The following CDH17 variants were observed in gnomAD, a reference collection of about 807,000 sequenced individuals.
The protein encoded by CDH17 is cadherin-17.
Under a neutral mutation model 86.3 loss-of-function variants are expected in CDH17, and 67 were observed. The ratio of observed to expected loss-of-function variants is 0.78; its 90% CI spans 0.64 to 0.95. The LOEUF is 0.95. Among genes scored for constraint, CDH17 ranks in the 40% least tolerant of loss-of-function variants. The pLI, the probability that CDH17 is intolerant of heterozygous loss-of-function variation, is 0.00. For missense variants in CDH17, 993 were observed against 1,017.6 expected (o/e 0.98, Z 0.33); for synonymous variants, 367 against 366.4 (o/e 1.00, Z -0.02).
rs757892139 is a variant in CDH17, at chr8:94,176,603, T to A, written c.362A>T (p.Asp121Val). The change falls in exon 5 of 18, where the codon GAC (aspartate) becomes GTC (valine). Residue 121 changes from aspartate to valine, a missense_variant. Asp to Val is a radical substitution (Grantham distance 152, BLOSUM62 -3). Coordinates refer to ENST00000027335, the MANE Select transcript of CDH17 (RefSeq NM_004063.4). ...TGACTGGAGAAACGTGGGTCGATTG[T>A]CGTTGATGTCCTTCACTTTTATGGT... The part of the protein sequence containing the change: ...PITIKVKDIN[D>V]NRPTFLQSKY... 1 of 1,613,828 alleles carries A rather than the reference T, an allele frequency of 6.2e-7. No individual in the cohort carries two copies. Among genetic ancestry groups the A allele is most frequent in the South Asian group, 1.1e-5 (1 of 91,080 alleles).
In CDH17 at chr8:94,173,910, A is replaced by G; in HGVS notation, c.670T>C (p.Phe224Leu). 6.2e-7 allele frequency: 1 copy of G among 1,613,508 alleles called. No homozygotes were observed. Among genetic ancestry groups the G allele is most frequent in the South Asian group, 1.1e-5 (1 of 91,066 alleles). Residue 224 changes from phenylalanine (F) to leucine (L), a missense_variant, in exon 7 of 18, where the codon TTC (phenylalanine) becomes CTC (leucine). Transcript: ENST00000027335. ...ATATCCACAGATGTGGTATCACTGAAGGAATTCTCACTCTGGCCTCCCATG... is the reference window on the plus strand; with the variant it reads ...ATATCCACAGATGTGGTATCACTGAGGGAATTCTCACTCTGGCCTCCCATG... ...KDMGGQSENS[F>L]SDTTSVDIIV...
rs762019852 is a variant in CDH17 at position 94,130,919 on chromosome 8, A to G, written c.2241T>C (p.Asn747=). The G allele has an allele frequency of 1.2e-6, 2 of 1,612,106 alleles. No individual in the cohort carries two copies. The highest frequency in any genetic ancestry group is 2.2e-5 in the East Asian group (1 of 44,878). Residue 747 remains asparagine (N), a synonymous_variant, in exon 16 of 18, where the codon AAT becomes AAC. Transcript: ENST00000027335. ...EREYVVLIRI[N]DGGRPPLEGI... is the part of the protein sequence containing the mutation. ...CTTCCAAGGGTGGCCGACCCCCATC[A>G]TTGATGCGGATCAAGACGACATACT...
Position 94,136,648 on chromosome 8 carries a change from C to T in CDH17, c.2168-5656G>A, listed in dbSNP as rs1051850423. Among the ~76,000 whole-genome samples the T allele has an allele frequency of 2.6e-5, 4 of 152,320 alleles. No homozygotes were observed. In the South Asian group the frequency reaches 8.3e-4, roughly 32 times the overall value. On this transcript the variant is annotated intron_variant, in intron 15 of 17. Transcript: ENST00000027335. The stretch of plus-strand genomic sequence containing the variant: ...CTTCTGAAGCCTGCTTCTGTCAACT[C>T]GTCAAAGTCATTCTCCATCCAGCTT...
intron 9 of CDH17, 65 bp downstream of exon 9, chr8:94,170,332 T>C: frequency 6.5e-7 from 1 of 1,545,070 alleles, no homozygotes; most frequent in Non-Finnish European, 8.8e-7. Flanking sequence ...CCTGCTCACC[T>C]TTTACCCAGC....
intron 11 of CDH17, among the ~76,000 whole-genome samples, chr8:94,161,548 G>T (rs13273703): frequency 0.28 from 41,850 of 152,082 alleles, 6,029 homozygotes; most frequent in Non-Finnish European, 0.33. Flanking sequence ...TTTTCTTGAG[G>T]TTCTAAATTG....
chr8:94,145,198 T>C (rs968759978), intron 15 of CDH17, among the ~76,000 whole-genome samples: 1 of 152,214 alleles, frequency 6.6e-6, no homozygotes, highest in African/African-American at 2.4e-5. Flanking sequence ...AAAATATTTG[T>C]TCACAAATCC....
chr8:94,140,305 G>A (rs891457058), intron 15 of CDH17, among the ~76,000 whole-genome samples: 2 of 151,778 alleles, frequency 1.3e-5, no homozygotes, highest in African/African-American at 4.8e-5. Context: ...TAGCTCATAC[G>A]TGTAGTCCCA....
intron 1 of CDH17, among the ~76,000 whole-genome samples, chr8:94,199,481 T>C (rs977667140): frequency 6.6e-6 from 1 of 151,740 alleles, no homozygotes; most frequent in African/African-American, 2.4e-5. Context: ...TTTTAACACC[T>C]TCAGTCTTCC....
intron 9 of CDH17, among the ~76,000 whole-genome samples, chr8:94,167,243 T>TC (rs1291307844): frequency 6.6e-6 from 1 of 152,132 alleles, no homozygotes; most frequent in Non-Finnish European, 1.5e-5. Flanking sequence ...ATGACTCGGT[T>TC]CTGCACCCAG....
At chr8:94,200,307 C>A (rs980594644) in intron 1 of CDH17, among the ~76,000 whole-genome samples, 5 of 152,068 alleles carry the variant, frequency 3.3e-5, no homozygotes, top group Non-Finnish European at 1.5e-5. Flanking sequence ...ACCTAGGTTT[C>A]CTCAAAAACA....
intron 15 of CDH17, among the ~76,000 whole-genome samples, chr8:94,138,356 A>AGT (rs1290729805): frequency 6.6e-6 from 1 of 152,242 alleles, no homozygotes; most frequent in African/African-American, 2.4e-5. Context: ...GGCAATGGAC[A>AGT]GTGATTTCTG....
In CDH17 at chr8:94,165,742, C is replaced by T. The variant is rs762389533; in HGVS notation, c.1282+19G>A. The T allele has an allele frequency of 4.8e-5, 72 of 1,503,858 alleles. No homozygotes were observed. The East Asian group carries it at 1.4e-3, about 30-fold the overall frequency. The allele number at this position is 1,503,858 out of a possible 1,614,324, so 93.2% of individuals were successfully genotyped here. On this transcript the variant is annotated intron_variant, in intron 10 of 17. Transcript: ENST00000027335. ...GGAAAACAATGATTTGCACTCAAGA[C>T]GGTGGATATGATACTAACCTTTGTC...
intron 15 of CDH17, among the ~76,000 whole-genome samples, chr8:94,143,694 G>C (rs1219760513): frequency 6.6e-6 from 1 of 152,194 alleles, no homozygotes; most frequent in South Asian, 2.1e-4. Flanking sequence ...TTTGCACTTT[G>C]TTATGGAAAT....
intron 3 of CDH17, among the ~76,000 whole-genome samples, chr8:94,179,232 G>A (rs1156315210): frequency 6.6e-6 from 1 of 152,046 alleles, no homozygotes; most frequent in Non-Finnish European, 1.5e-5. Context: ...TATCCTGTTG[G>A]CATTTCCCTG....
rs1169490441 is a variant in CDH17 at position 94,152,043 on chromosome 8, A to T, written c.1621T>A (p.Phe541Ile). The T allele has an allele frequency of 1.9e-6, 3 of 1,614,184 alleles. No homozygotes were observed. The South Asian group carries it at 3.3e-5, about 18-fold the overall frequency. ...GAACTTGCATTGTACTTCACACCAA[A>T]CACTAGAGGCTCAGGATTTTCTGCT... Reference protein sequence around the residue: ...FKAENPEPLVFGVKYNASSFA... With the variant: ...FKAENPEPLVIGVKYNASSFA... The change falls in exon 13 of 18, where the codon TTT becomes ATT. Residue 541 changes from phenylalanine to isoleucine, a missense_variant. Transcript: ENST00000027335.
intron 17 of CDH17, among the ~76,000 whole-genome samples, chr8:94,130,281 T>C (rs904976022): frequency 1.3e-5 from 2 of 152,030 alleles, no homozygotes; most frequent in Non-Finnish European, 2.9e-5. Context: ...TCTGTGTATG[T>C]CACTCTTTCC....
intron 13 of CDH17, among the ~76,000 whole-genome samples, chr8:94,150,306 C>T (rs956273737): frequency 2.4e-4 from 36 of 152,024 alleles, no homozygotes; most frequent in African/African-American, 8.2e-4. Context: ...GGGTGGGGGA[C>T]GGCAGGGGCA....
chr8:94,160,539 C>A (rs865986973), intron 11 of CDH17, among the ~76,000 whole-genome samples: 18 of 152,250 alleles, frequency 1.2e-4, no homozygotes, highest in Middle Eastern at 3.4e-3. Flanking sequence ...ATTCTTAAAT[C>A]AACCAATGAA....
At chr8:94,202,807 G>A (rs755917) in intron 1 of CDH17, 62,705 of 167,902 alleles carry the variant, frequency 0.37, 12,971 homozygotes, top group Middle Eastern at 0.47. Flanking sequence ...GGTTTGTAAC[G>A]GTTGCGAGAT....
Sources: gnomAD v4.1 joint callset for allele counts (sites outside exome capture counted in the v4.1 genomes callset) on GRCh38, gnomAD v4.1.1 for gene constraint, MANE v1.5 for transcripts, NCBI Gene and HGNC (gene_info 2026-07-23, HGNC 2026-07-21) for gene names.